Variants in HPSE2 observed in about 807,000 individuals in gnomAD.
The protein encoded by HPSE2 is heparanase 2 (inactive).
HPSE2 carries 38 observed loss-of-function variants against 60.5 expected under a neutral mutation model. The observed-to-expected ratio is 0.63, with a 90% CI of 0.48 to 0.82. HPSE2 has a LOEUF of 0.82. Ranked by LOEUF, HPSE2 falls within the 40% of genes least tolerant of loss-of-function variation. The pLI is 0.00. For synonymous variants in HPSE2, 295 were observed against 293.2 expected (o/e 1.01, Z -0.06); for missense variants, 713 against 740.4 (o/e 0.96, Z 0.43).
intron 3 of HPSE2, among the ~76,000 whole-genome samples, chr10:98,773,766 T>C (rs542945711): frequency 6.6e-5 from 10 of 152,258 alleles, no homozygotes; most frequent in South Asian, 4.1e-4. Flanking sequence ...AAAGGTACTA[T>C]AGAAAAATTT....
intron 9 of HPSE2, among the ~76,000 whole-genome samples, chr10:98,535,701 G>A (rs944320857): frequency 1.3e-5 from 2 of 152,120 alleles, no homozygotes; most frequent in African/African-American, 4.8e-5. Flanking sequence ...GGAGAGAGAG[G>A]CATCTTTGTT....
At chr10:99,147,037 A>C (rs1245878232) in intron 2 of HPSE2, among the ~76,000 whole-genome samples, 1 of 152,222 alleles carries the variant, frequency 6.6e-6, no homozygotes, top group Admixed American at 6.5e-5. Flanking sequence ...GTAAGTCATT[A>C]ATAGTTAACT....
At chr10:99,002,113 G>A (rs1004350542) in intron 3 of HPSE2, among the ~76,000 whole-genome samples, 3 of 152,074 alleles carry the variant, frequency 2.0e-5, no homozygotes, top group Admixed American at 1.3e-4. Flanking sequence ...GGAGCCAACT[G>A]AAAGAGCTCC....
intron 5 of HPSE2, among the ~76,000 whole-genome samples, chr10:98,708,960 C>T (rs1948612547): frequency 6.6e-6 from 1 of 152,172 alleles, no homozygotes; most frequent in African/African-American, 2.4e-5. Context: ...GAGTATTCTC[C>T]CTGCCCCCAT....
At position 99,148,787 on chromosome 10, in the gene HPSE2, C is replaced by CTCAATCAA. The variant is rs10604979; in HGVS notation, c.449-4396_449-4389dup. On this transcript the variant is annotated intron_variant, in intron 2 of 11. Coordinates refer to ENST00000370552, the MANE Select transcript of HPSE2 (RefSeq NM_021828.5). ...CCCGGGCAAAAAGAGCGAAACTCCA[C>CTCAATCAA]TCAATCAATCAATCAATCAATCAAT... 4.7e-3 allele frequency among the ~76,000 whole-genome samples: 707 copies of CTCAATCAA among 149,766 alleles called. 3 individuals are homozygous for CTCAATCAA. The highest frequency in any genetic ancestry group is 0.014 in the African/African-American group (583 of 40,824).
At chr10:98,723,157 G>GA (rs1948973227) in intron 4 of HPSE2, among the ~76,000 whole-genome samples, 1 of 152,162 alleles carries the variant, frequency 6.6e-6, no homozygotes, top group Non-Finnish European at 1.5e-5. Context: ...CTAATTTATT[G>GA]AGAGTTTTTA....
intron 3 of HPSE2, among the ~76,000 whole-genome samples, chr10:98,917,176 C>G (rs533174812): frequency 6.6e-6 from 1 of 152,208 alleles, no homozygotes; most frequent in South Asian, 2.1e-4. Context: ...CCCTGACACC[C>G]CCACTCACTA....
chr10:99,066,191 C>A (rs1842612182), intron 3 of HPSE2, among the ~76,000 whole-genome samples: 1 of 152,106 alleles, frequency 6.6e-6, no homozygotes, highest in South Asian at 2.1e-4. Context: ...CTCTGCCAAA[C>A]CAAGATTACA....
At chr10:98,809,661 C>A (rs1461288140) in intron 3 of HPSE2, among the ~76,000 whole-genome samples, 1 of 151,948 alleles carries the variant, frequency 6.6e-6, no homozygotes, top group Non-Finnish European at 1.5e-5. Context: ...TTTTTATAAC[C>A]AACATCTGAA....
chr10:98,612,041 C>T (rs2133969382), intron 9 of HPSE2, among the ~76,000 whole-genome samples: 1 of 152,312 alleles, frequency 6.6e-6, no homozygotes, highest in East Asian at 1.9e-4. Context: ...CCTTAACTTA[C>T]ACATGGCCAT....
intron 3 of HPSE2, among the ~76,000 whole-genome samples, chr10:98,856,434 T>C (rs1021521523): frequency 6.6e-6 from 1 of 152,066 alleles, no homozygotes; most frequent in African/African-American, 2.4e-5. Context: ...TAGACATATA[T>C]TCAAACTTAC....
intron 9 of HPSE2, among the ~76,000 whole-genome samples, chr10:98,517,393 G>A (rs563127046): frequency 6.6e-6 from 1 of 152,026 alleles, no homozygotes; most frequent in Non-Finnish European, 1.5e-5. Context: ...TTGGAGAACC[G>A]CTGATCTAGA....
chr10:99,249,068 T>C, the HPSE2 span, among the ~76,000 whole-genome samples: 1 of 152,186 alleles, frequency 6.6e-6, no homozygotes, highest in African/African-American at 2.4e-5. Context: ...TCTACCAGGA[T>C]AGTGTGGAGG....
At chr10:99,151,517 C>T (rs1846262139) in intron 2 of HPSE2, among the ~76,000 whole-genome samples, 1 of 151,906 alleles carries the variant, frequency 6.6e-6, no homozygotes, top group African/African-American at 2.4e-5. Flanking sequence ...AGCACAAGTA[C>T]AACAAAACTC....
intron 9 of HPSE2, among the ~76,000 whole-genome samples, chr10:98,533,397 A>C (rs1422812995): frequency 6.6e-6 from 1 of 152,152 alleles, no homozygotes; most frequent in Non-Finnish European, 1.5e-5. Flanking sequence ...CTTTTGAGTC[A>C]TTGGAACACA....
intron 9 of HPSE2, among the ~76,000 whole-genome samples, chr10:98,493,245 C>T (rs938518329): frequency 6.6e-6 from 1 of 152,134 alleles, no homozygotes; most frequent in African/African-American, 2.4e-5. Flanking sequence ...TGCAAAATGT[C>T]CCATATGCAA....
chr10:98,878,916 G>A (rs1444187401), intron 3 of HPSE2, among the ~76,000 whole-genome samples: 1 of 151,990 alleles, frequency 6.6e-6, no homozygotes, highest in Non-Finnish European at 1.5e-5. Flanking sequence ...GAGACTGGAG[G>A]ATAGATTAAA....
rs1354618799 is a variant in HPSE2 at position 98,941,784 on chromosome 10, C to G, written c.611-197728G>C. On this transcript the variant is annotated intron_variant, in intron 3 of 11. Coordinates refer to ENST00000370552, the MANE Select transcript of HPSE2 (RefSeq NM_021828.5). Reference sequence around the variant, plus strand: ...CCCGCATCGCCAAGTCAATCCTAAGCCAAAAGAACAAAGCTGGAGGCATCA... The same window carrying G: ...CCCGCATCGCCAAGTCAATCCTAAGGCAAAAGAACAAAGCTGGAGGCATCA... Among the ~76,000 whole-genome samples the G allele has an allele frequency of 3.7e-5, 5 of 136,464 alleles. 1 individual carries two copies. Among genetic ancestry groups the G allele is most frequent in the Admixed American group, 2.2e-4 (3 of 13,582 alleles). 89.5% of individuals were successfully genotyped at this position (136,464 alleles called of 152,430 possible).
intron 3 of HPSE2, among the ~76,000 whole-genome samples, chr10:98,793,598 A>T (rs1950707291): frequency 6.6e-6 from 1 of 152,254 alleles, no homozygotes. Flanking sequence ...AGTAACAGGC[A>T]ATACTTAAAC....
Sources: allele counts gnomAD v4.1 joint callset (sites outside exome capture counted in the v4.1 genomes callset), GRCh38; gene constraint gnomAD v4.1.1; transcripts MANE v1.5; gene names NCBI Gene and HGNC (gene_info 2026-07-23, HGNC 2026-07-21).